The following EPS15L1 variants were observed in gnomAD, a reference collection of about 807,000 sequenced individuals.
EPS15L1 encodes epidermal growth factor receptor pathway substrate 15 like 1, also known as epidermal growth factor receptor substrate 15-like 1.
In EPS15L1, 43 loss-of-function variants were observed where a neutral mutation model predicts 117.1. That is an observed-to-expected ratio of 0.37 (90% CI 0.29 to 0.47). The LOEUF is 0.47. Among genes scored for constraint, EPS15L1 ranks in the 20% least tolerant of loss-of-function variants. The pLI is 0.99. For missense variants in EPS15L1, 981 were observed against 1,164.0 expected (o/e 0.84, Z 2.29); for synonymous variants, 459 against 470.5 (o/e 0.98, Z 0.32).
chr19:16,389,420 C>T (rs573443113), intron 19 of EPS15L1, among the ~76,000 whole-genome samples: 1 of 152,260 alleles, frequency 6.6e-6, no homozygotes, highest in Non-Finnish European at 1.5e-5. Flanking sequence ...CACCACTGCA[C>T]TTCAGCCTGG....
At chr19:16,425,430 G>C (rs903025364) in intron 8 of EPS15L1, 114 bp from the exon 9 acceptor site, 1 of 709,434 alleles carries the variant, frequency 1.4e-6, no homozygotes, top group Admixed American at 2.5e-5. Context: ...CTGTCAGGAC[G>C]CTCCCAAGCT....
intron 19 of EPS15L1, among the ~76,000 whole-genome samples, chr19:16,390,175 G>A (rs2092462042): frequency 6.6e-6 from 1 of 151,954 alleles, no homozygotes; most frequent in South Asian, 2.1e-4. Context: ...GAAAGTAAAT[G>A]GTTGAAAAAT....
rs1427458658 is a variant in EPS15L1 at position 16,381,744 on chromosome 19, G to C, written c.2247+3385C>G. ...TAAAATGGGCCGTTTAGGGTCGGCTGTTTGGGAAAGAATGGGGGAAAAACA... is the reference window on the plus strand; with the variant it reads ...TAAAATGGGCCGTTTAGGGTCGGCTCTTTGGGAAAGAATGGGGGAAAAACA... On this transcript the variant is annotated intron_variant, in intron 21 of 23. Coordinates refer to ENST00000455140, the MANE Select transcript of EPS15L1 (RefSeq NM_001258374.3). The surrounding 1 kb of genome is among the most constrained non-coding windows in gnomAD (Gnocchi z 4.2). Among the ~76,000 whole-genome samples, 1 of 152,226 alleles carries C rather than the reference G, an allele frequency of 6.6e-6. No individual in the cohort carries two copies. The highest frequency in any genetic ancestry group is 1.5e-5 in the Non-Finnish European group (1 of 68,034).
chr19:16,441,692 T>C (rs560530296), intron 3 of EPS15L1, 200 bp downstream of exon 3: 2 of 447,918 alleles, frequency 4.5e-6, no homozygotes, highest in South Asian at 5.0e-5. Flanking sequence ...TCGGGTTTCT[T>C]ATCTGCTACC....
chr19:16,443,254 C>T (rs768208405), intron 1 of EPS15L1, among the ~76,000 whole-genome samples: 4 of 152,160 alleles, frequency 2.6e-5, no homozygotes, highest in Non-Finnish European at 4.4e-5. Flanking sequence ...GGCAGGATTA[C>T]AGTGTTTATC....
At chr19:16,385,037 G>A (rs1018620485) in intron 21 of EPS15L1, 92 bp downstream of exon 21, 17 of 985,476 alleles carry the variant, frequency 1.7e-5, no homozygotes, top group African/African-American at 8.0e-5. Context: ...AGATACATAC[G>A]TGACATGAAC....
intron 13 of EPS15L1, among the ~76,000 whole-genome samples, chr19:16,410,133 CA>C (rs200662040): frequency 2.8e-3 from 225 of 81,726 alleles, no homozygotes; most frequent in Middle Eastern, 0.016. Flanking sequence ...GACTCCGTCT[CA>C]AAAAAAAAAA....
intron 1 of EPS15L1, among the ~76,000 whole-genome samples, chr19:16,447,224 G>GACT (rs2093092297): frequency 6.6e-6 from 1 of 152,138 alleles, no homozygotes; most frequent in Non-Finnish European, 1.5e-5. Flanking sequence ...GGAAACGCTG[G>GACT]GGTATGTCTA....
chr19:16,452,608 T>G, intron 1 of EPS15L1, among the ~76,000 whole-genome samples: 1 of 139,548 alleles, frequency 7.2e-6, no homozygotes, highest in African/African-American at 2.7e-5. Flanking sequence ...CACTCCGGCC[T>G]GCACAACATA....
At chr19:16,372,189 G>A (rs890152767) in intron 22 of EPS15L1, among the ~76,000 whole-genome samples, 1 of 152,106 alleles carries the variant, frequency 6.6e-6, no homozygotes, top group Non-Finnish European at 1.5e-5. Flanking sequence ...GGCCAACTGT[G>A]GGCTACTCAG....
chr19:16,413,424 A>G, intron 13 of EPS15L1: 1 of 735,760 alleles, frequency 1.4e-6, no homozygotes, highest in Non-Finnish European at 2.4e-6. Flanking sequence ...CTTTGATGCC[A>G]TCTCTAAGAC....
At chr19:16,454,660 T>C (rs2093178005) in intron 1 of EPS15L1, among the ~76,000 whole-genome samples, 2 of 152,110 alleles carry the variant, frequency 1.3e-5, no homozygotes, top group African/African-American at 4.8e-5. Context: ...CAGTGGGGCA[T>C]GGCACAGGGG....
At chr19:16,363,713 C>T (rs1490086478) in intron 22 of EPS15L1, among the ~76,000 whole-genome samples, 1 of 152,198 alleles carries the variant, frequency 6.6e-6, no homozygotes, top group Admixed American at 6.5e-5. Flanking sequence ...CAGGAGTCTC[C>T]TCCCACTCAG....
At chr19:16,421,534 AT>A in intron 9 of EPS15L1, 58 bp from the exon 10 acceptor site, 1 of 1,532,466 alleles carries the variant, frequency 6.5e-7, no homozygotes, top group Non-Finnish European at 8.9e-7. Context: ...CCCCAGACAC[AT>A]GCTTTTTGAT....
At chr19:16,374,361 AT>A (rs1433651627) in intron 22 of EPS15L1, among the ~76,000 whole-genome samples, 1 of 152,208 alleles carries the variant, frequency 6.6e-6, no homozygotes, top group African/African-American at 2.4e-5. Flanking sequence ...CAGAACAAAG[AT>A]GCAGTGGCCT....
chr19:16,387,205 T>C (rs2144750120), intron 19 of EPS15L1, among the ~76,000 whole-genome samples: 1 of 152,340 alleles, frequency 6.6e-6, no homozygotes, highest in East Asian at 1.9e-4. Context: ...TGAAAAAGTG[T>C]ATCTACAATA....
intron 9 of EPS15L1, among the ~76,000 whole-genome samples, chr19:16,423,646 T>G (rs1749955515): frequency 6.6e-6 from 1 of 152,192 alleles, no homozygotes; most frequent in African/African-American, 2.4e-5. Context: ...AACCTGATTT[T>G]TACTTGTGGC....
At chr19:16,412,934 A>T in intron 13 of EPS15L1, 1 of 658,988 alleles carries the variant, frequency 1.5e-6, no homozygotes, top group Non-Finnish European at 2.8e-6. Flanking sequence ...TCCCTGGAGG[A>T]GAGCTATCTC....
intron 1 of EPS15L1, among the ~76,000 whole-genome samples, chr19:16,459,941 T>C (rs1195151751): frequency 6.6e-6 from 1 of 152,166 alleles, no homozygotes; most frequent in Non-Finnish European, 1.5e-5. Context: ...CCATTTGCTC[T>C]CTCAACTCAA....
Sources: allele counts gnomAD v4.1 joint callset (sites outside exome capture counted in the v4.1 genomes callset), GRCh38; gene constraint gnomAD v4.1.1; non-coding constraint Gnocchi (gnomAD v3.1); transcripts MANE v1.5; gene names NCBI Gene and HGNC (gene_info 2026-07-23, HGNC 2026-07-21).